Variants in CCDC57 observed in about 807,000 individuals in gnomAD.
CCDC57 encodes coiled-coil domain-containing protein 57.
A neutral mutation model predicts 118.9 loss-of-function variants in CCDC57; 118 were observed. The ratio of observed to expected loss-of-function variants is 0.99; its 90% CI spans 0.86 to 1.16. The LOEUF (loss-of-function observed/expected upper bound fraction) is 1.16. Among genes scored for constraint, CCDC57 ranks in the 50% most tolerant of loss-of-function variants. The pLI is 0.00. For missense variants in CCDC57, 1,300 were observed against 1,320.7 expected (o/e 0.98, Z 0.24); for synonymous variants, 527 against 532.9 (o/e 0.99, Z 0.15).
At chr17:82,128,589 C>G in exon 18 of CCDC57, 1 of 1,562,178 alleles carries the variant, frequency 6.4e-7, no homozygotes, top group African/African-American at 1.4e-5. Flanking sequence ...CCTCGGCACT[C>G]TTGGCGTCCT....
chr17:82,190,617 C>T (rs1230870835), intron 7 of CCDC57, among the ~76,000 whole-genome samples: 1 of 149,420 alleles, frequency 6.7e-6, no homozygotes, highest in Non-Finnish European at 1.5e-5. Flanking sequence ...ATAGCTTGAA[C>T]TCAAGAGGCA....
At chr17:82,110,821 T>A (rs1267336271) in intron 19 of CCDC57, among the ~76,000 whole-genome samples, 1 of 152,086 alleles carries the variant, frequency 6.6e-6, no homozygotes, top group Non-Finnish European at 1.5e-5. Flanking sequence ...GGTCAGGAGT[T>A]GGAGACCAGC....
At chr17:82,184,020 C>CGT (rs1568400070) in intron 8 of CCDC57, 88 bp from the exon 8 acceptor site, 17 of 260,852 alleles carry the variant, frequency 6.5e-5, no homozygotes, top group Admixed American at 3.4e-4. Flanking sequence ...TACACATGCG[C>CGT]GCGCGCGCGC....
At chr17:82,183,306 G>A (rs2046437308) in intron 9 of CCDC57, among the ~76,000 whole-genome samples, 1 of 152,144 alleles carries the variant, frequency 6.6e-6, no homozygotes, top group Non-Finnish European at 1.5e-5. Context: ...AGAAACACAT[G>A]AGGACATGAA....
chr17:82,148,357 A>G (rs1031013535), intron 16 of CCDC57, among the ~76,000 whole-genome samples: 3 of 826 alleles, frequency 3.6e-3, no homozygotes, highest in African/African-American at 9.7e-3. Context: ...AGGTGGGTGG[A>G]TGGATGGGTG....
chr17:82,183,832 G>A lies in CCDC57; in HGVS notation c.1153C>T (p.Gln385Ter). 1.2e-6 allele frequency: 2 copies of A among 1,607,290 alleles called. No individual in the cohort carries two copies. Among genetic ancestry groups the A allele is most frequent in the Non-Finnish European group, 1.7e-6 (2 of 1,176,772 alleles). ...GCCTTGAGCTTCACCTCTTCTTCCT[G>A]CAGCGTCTGAATCTGAAGGTCTCTG... The change falls in exon 9 of 20, where the codon CAG becomes TAG. Residue 385 changes from glutamine (Q) to a stop codon, truncating the protein, a stop_gained. Coordinates refer to ENST00000665763, the Ensembl canonical transcript of CCDC57. LOFTEE classifies it high-confidence loss of function.
At chr17:82,188,077 A>G in intron 8 of CCDC57, 142 bp downstream of exon 7, 1 of 618,264 alleles carries the variant, frequency 1.6e-6, no homozygotes, top group Non-Finnish European at 2.6e-6. Flanking sequence ...AGAGTGGTTA[A>G]GAAAAGTGAC....
intron 7 of CCDC57, 105 bp downstream of exon 6, chr17:82,193,651 G>T: frequency 1.1e-6 from 1 of 949,246 alleles, no homozygotes. Context: ...TCCGATCCCT[G>T]GAGTGGGACC....
intron 16 of CCDC57, among the ~76,000 whole-genome samples, chr17:82,141,174 CTAATTTTT>C (rs1473647447): frequency 8.1e-6 from 1 of 123,310 alleles, no homozygotes; most frequent in African/African-American, 3.1e-5. Flanking sequence ...CCACGCCCGG[CTAATTTTT>C]TTTTTTTTTT....
At chr17:82,194,441 G>A (rs2048058456) in intron 5 of CCDC57, among the ~76,000 whole-genome samples, 1 of 151,940 alleles carries the variant, frequency 6.6e-6, no homozygotes, top group Non-Finnish European at 1.5e-5. Flanking sequence ...CTCACGAGTA[G>A]CTGGGATTAC....
At chr17:82,150,857 G>A (rs71370220) in intron 16 of CCDC57, among the ~76,000 whole-genome samples, 173 of 73,212 alleles carry the variant, frequency 2.4e-3, no homozygotes, top group East Asian at 0.011. Flanking sequence ...AGAACCAGGC[G>A]CACACCCAGA....
chr17:82,149,278 A>ATGGATAGATGGATGGGTGGT (rs1568266163), intron 16 of CCDC57, among the ~76,000 whole-genome samples: 6 of 148,142 alleles, frequency 4.1e-5, no homozygotes, highest in African/African-American at 1.5e-4. Flanking sequence ...GGGTGAATGG[A>ATGGATAGATGGATGGGTGGT]TGGATAGATG....
rs541959209 is a variant in CCDC57 at position 82,194,103 on chromosome 17, C to A, written c.655G>T (p.Glu219Ter). The A allele has an allele frequency of 1.9e-6, 3 of 1,613,798 alleles. No individual in the cohort carries two copies. The highest frequency in any genetic ancestry group is 2.5e-6 in the Non-Finnish European group (3 of 1,179,828). Residue 219 changes from glutamate (E) to a stop codon, truncating the protein, a stop_gained, in exon 6 of 20, where the codon GAA (glutamate) becomes TAA (stop). Coordinates refer to ENST00000665763, the Ensembl canonical transcript of CCDC57. LOFTEE classifies it high-confidence loss of function. ...CTCTCTGCAGCCTTTGCCCCGGCTT[C>A]CTTCAGAGCCTCCAGCTCTTTGTGC...
chr17:82,108,958 C>T (rs778810352), intron 19 of CCDC57: 8 of 152,190 alleles, frequency 5.3e-5, no homozygotes, highest in Non-Finnish European at 8.8e-5. Flanking sequence ...TGAAGTTCTT[C>T]GAGGAGGCCG....
At chr17:82,147,099 T>C (rs1448385090) in intron 16 of CCDC57, among the ~76,000 whole-genome samples, 3 of 152,114 alleles carry the variant, frequency 2.0e-5, no homozygotes, top group African/African-American at 4.8e-5. Context: ...GATGGATATA[T>C]GGATGGTAGG....
At chr17:82,149,487 G>A (rs191880183) in intron 16 of CCDC57, among the ~76,000 whole-genome samples, 3 of 152,144 alleles carry the variant, frequency 2.0e-5, no homozygotes, top group South Asian at 2.1e-4. Flanking sequence ...AGAAGTCTGC[G>A]GCCATCTTCG....
chr17:82,122,150 C>G (rs2036788701), intron 19 of CCDC57, among the ~76,000 whole-genome samples: 1 of 152,206 alleles, frequency 6.6e-6, no homozygotes, highest in Non-Finnish European at 1.5e-5. Context: ...TCTCAAGCCT[C>G]CTACACCGCT....
intron 16 of CCDC57, among the ~76,000 whole-genome samples, chr17:82,143,490 A>ACGTG (rs1568239977): frequency 1.5e-5 from 2 of 133,188 alleles, no homozygotes; most frequent in African/African-American, 5.5e-5. Flanking sequence ...ACAGGCACAC[A>ACGTG]CACACACCCC....
At chr17:82,186,909 T>C (rs552546682) in intron 8 of CCDC57, among the ~76,000 whole-genome samples, 2 of 151,600 alleles carry the variant, frequency 1.3e-5, no homozygotes, top group South Asian at 4.2e-4. Flanking sequence ...ACCACTGCAC[T>C]CCAGCCTAGA....
Sources: gnomAD v4.1 joint callset for allele counts (sites outside exome capture counted in the v4.1 genomes callset) on GRCh38, gnomAD v4.1.1 for gene constraint, MANE v1.5 for transcripts, NCBI Gene and HGNC (gene_info 2026-07-23, HGNC 2026-07-21) for gene names.